The following IRAG2 variants were observed in gnomAD, a reference collection of about 807,000 sequenced individuals.
IRAG2 encodes lymphoid restricted membrane protein.
A neutral mutation model predicts 69.9 loss-of-function variants in IRAG2; 45 were observed. The observed-to-expected ratio is 0.64, with a 90% confidence interval of 0.51 to 0.83. The LOEUF is 0.83. Ranked by LOEUF, IRAG2 falls within the 40% of genes least tolerant of loss-of-function variation. IRAG2 has a pLI of 0.00. For missense variants in IRAG2, 520 were observed against 587.0 expected (o/e 0.89, Z 1.18); for synonymous variants, 193 against 202.4 (o/e 0.95, Z 0.40).
At chr12:25,017,104 G>A (rs1182058494) in intron 5 of IRAG2, 7 of 1,226,494 alleles carry the variant, frequency 5.7e-6, no homozygotes, top group Non-Finnish European at 7.1e-6. Flanking sequence ...GTGATGTGAA[G>A]GTTATTCTCA....
chr12:25,092,730 G>A lies in IRAG2; in HGVS notation c.606+2533G>A, dbSNP rs1258605247. The A allele has an allele frequency of 1.9e-5, 3 of 155,504 alleles. No homozygotes were observed. In the Admixed American group the frequency reaches 2.0e-4, roughly 10 times the overall value. The allele number at this position is 155,504 out of a possible 1,614,324, so 9.6% of individuals were successfully genotyped here. A position where few individuals can be genotyped will look rare whatever the true frequency, so the allele number is the denominator to read the frequency against. Reference sequence around the variant, plus strand: ...CAGAAGATTTTCAGCTCCCAAAAGTGTTCCTACTTTAAATAACACCTGGAA... The same window carrying A: ...CAGAAGATTTTCAGCTCCCAAAAGTATTCCTACTTTAAATAACACCTGGAA... On this transcript the variant is annotated intron_variant, in intron 14 of 21. Transcript: ENST00000556887.
At chr12:25,073,422 A>G (rs1415700134) in intron 6 of IRAG2, among the ~76,000 whole-genome samples, 1 of 152,244 alleles carries the variant, frequency 6.6e-6, no homozygotes, top group Non-Finnish European at 1.5e-5. Context: ...ACTGAGAGTG[A>G]GCACTCAATT....
In IRAG2 at chr12:25,026,701, G is replaced by A. The variant is rs561343721; in HGVS notation, c.1384-88G>A. 7 of 534,200 alleles carry A rather than the reference G, an allele frequency of 1.3e-5. No individual in the cohort carries two copies. The East Asian group carries it at 1.8e-4, about 13-fold the overall frequency. 33.1% of individuals were successfully genotyped at this position (534,200 alleles called of 1,614,324 possible). ...ATAAAAAGGCAATACTGAGAGTGAT[G>A]AAATACCACCTCCTAAAAGAGACTT... On this transcript the variant is annotated intron_variant, in intron 8 of 38. Transcript: ENST00000636465.
chr12:25,017,178 A>G (rs1944536352), exon 6 of IRAG2: 2 of 1,232,002 alleles, frequency 1.6e-6, no homozygotes, highest in African/African-American at 3.1e-5. Context: ...CTTCATTTCA[A>G]CAAAAGAAAA....
chr12:25,067,675 A>T (rs972600257), intron 5 of IRAG2, among the ~76,000 whole-genome samples: 27 of 151,962 alleles, frequency 1.8e-4, no homozygotes, highest in African/African-American at 6.3e-4. Context: ...ATTTATTTAA[A>T]TTTATTTTTT....
At chr12:25,048,942 G>A (rs759743319), upstream of IRAG2, among the ~76,000 whole-genome samples, 16 of 152,120 alleles carry the variant, frequency 1.1e-4, no homozygotes, top group Admixed American at 3.3e-4. Context: ...TTTTGTATAA[G>A]GATTGAGGAA....
intron 6 of IRAG2, among the ~76,000 whole-genome samples, chr12:25,019,452 C>A (rs924921200): frequency 2.0e-5 from 3 of 152,136 alleles, no homozygotes; most frequent in Non-Finnish European, 4.4e-5. Context: ...ATAATCTTCC[C>A]CTGGAGTTTA....
intron 17 of IRAG2, chr12:25,103,058 T>C (rs1369670611): frequency 1.3e-5 from 2 of 152,236 alleles, no homozygotes; most frequent in African/African-American, 4.8e-5. Flanking sequence ...TTCATATTCT[T>C]GATGCTCAAC....
chr12:25,025,365 C>T (rs1944612728), intron 8 of IRAG2, among the ~76,000 whole-genome samples: 1 of 152,190 alleles, frequency 6.6e-6, no homozygotes, highest in Non-Finnish European at 1.5e-5. Flanking sequence ...GAGGCTGCAG[C>T]CTGCCTGCTA....
rs148304953 is a variant in IRAG2, at chr12:25,103,966, G to A, written c.997-43G>A. On this transcript the variant is annotated intron_variant, in intron 18 of 21. Coordinates refer to ENST00000556887, the MANE Select transcript of IRAG2 (RefSeq NM_001366544.2). ...TTTTCATATGACAGAAAATATAAAC[G>A]TATATTTTATCATTTCTTTTAACAT... is the stretch of plus-strand genomic sequence containing the variant. The A allele has an allele frequency of 8.0e-4, 1,268 of 1,589,022 alleles. 7 individuals are homozygous for A. The African/African-American group carries it at 0.015, about 19-fold the overall frequency.
intron 6 of IRAG2, among the ~76,000 whole-genome samples, chr12:25,076,981 T>C (rs912877974): frequency 2.7e-5 from 4 of 150,744 alleles, no homozygotes; most frequent in African/African-American, 9.8e-5. Context: ...GCTCAAGCAA[T>C]CCTCCCATCT....
At chr12:25,011,905 T>C (rs761708745) in intron 3 of IRAG2, among the ~76,000 whole-genome samples, 13 of 152,184 alleles carry the variant, frequency 8.5e-5, no homozygotes, top group Non-Finnish European at 1.9e-4. Flanking sequence ...AGGTGAATTA[T>C]TGATACTATC....
chr12:25,078,005 G>A (rs937313840), intron 6 of IRAG2, among the ~76,000 whole-genome samples: 1 of 152,070 alleles, frequency 6.6e-6, no homozygotes, highest in Non-Finnish European at 1.5e-5. Flanking sequence ...CCTAGGTTAG[G>A]GTATGCCCAA....
chr12:25,002,492 A>G (rs868472087), upstream of IRAG2, among the ~76,000 whole-genome samples: 1 of 152,210 alleles, frequency 6.6e-6, no homozygotes, highest in Non-Finnish European at 1.5e-5. Flanking sequence ...AGAAGACAAC[A>G]TTGAATTAAA....
intron 16 of IRAG2, among the ~76,000 whole-genome samples, chr12:25,041,490 C>CT (rs1455775689): frequency 6.6e-6 from 1 of 151,060 alleles, no homozygotes; most frequent in Non-Finnish European, 1.5e-5. Flanking sequence ...CTTTTGTTTT[C>CT]TTTTTTTTCA....
At chr12:25,017,815 G>C (rs943186211) in intron 6 of IRAG2, among the ~76,000 whole-genome samples, 2 of 151,784 alleles carry the variant, frequency 1.3e-5, no homozygotes, top group African/African-American at 4.8e-5. Flanking sequence ...ACTCCAAAAA[G>C]AAACTCCATA....
At position 25,079,738 on chromosome 12, in the gene IRAG2, A is replaced by G; in HGVS notation, c.219A>G (p.Ser73=). ...GTAAGAAAGAGGAGGATACAAGATC[A>G]GCTTCTCCCACGATAGAGGCCCAAG... ...SLCKKEEDTR[S]ASPTIEAQGT... Residue 73 remains serine, a synonymous_variant, in exon 9 of 22, where the codon TCA becomes TCG. Transcript: ENST00000556887. 1 of 1,613,736 alleles carries G rather than the reference A, an allele frequency of 6.2e-7. No homozygotes were observed. Among genetic ancestry groups the G allele is most frequent in the Non-Finnish European group, 8.5e-7 (1 of 1,179,606 alleles).
Position 25,028,130 on chromosome 12 carries a change from G to T in IRAG2, c.1461+1264G>T, listed in dbSNP as rs576913319. ...GGTAAAGATGGGATTTCACCATGTT[G>T]GCCAGGCTGTTCTCAAACTCCTGAC... is the stretch of plus-strand genomic sequence containing the variant. On this transcript the variant is annotated intron_variant, in intron 9 of 38. Coordinates refer to the IRAG2 transcript ENST00000636465. Among the ~76,000 whole-genome samples the T allele has an allele frequency of 2.6e-5, 4 of 152,142 alleles. No individual in the cohort carries two copies. In the South Asian group the frequency reaches 8.3e-4, roughly 31 times the overall value.
At chr12:25,004,550 C>T (rs1944416389) in exon 1 of IRAG2, 6 of 1,231,980 alleles carry the variant, frequency 4.9e-6, no homozygotes, top group Admixed American at 8.4e-5. Context: ...GCTTGTGTTC[C>T]TACGCCCGGC....
Sources: allele counts gnomAD v4.1 joint callset (sites outside exome capture counted in the v4.1 genomes callset), GRCh38; gene constraint gnomAD v4.1.1; transcripts MANE v1.5; gene names NCBI Gene and HGNC (gene_info 2026-07-23, HGNC 2026-07-21).